FKBP5: variants seen among roughly 807,000 people sequenced by gnomAD.
FKBP5 encodes peptidyl-prolyl cis-trans isomerase FKBP5.
Under a neutral mutation model 50.5 loss-of-function variants are expected in FKBP5, and 23 were observed. The ratio of observed to expected loss-of-function variants is 0.46; its 90% CI spans 0.33 to 0.65. FKBP5 has a LOEUF of 0.65. Ranked by LOEUF, FKBP5 falls within the 30% of genes least tolerant of loss-of-function variation. The probability of loss-of-function intolerance (pLI) is 0.02; values close to 1 mark genes in which losing one functional copy is unlikely to be tolerated. For synonymous variants in FKBP5, 176 were observed against 190.6 expected (o/e 0.92, Z 0.63); for missense variants, 411 against 553.1 (o/e 0.74, Z 2.58).
intron 5 of FKBP5, among the ~76,000 whole-genome samples, chr6:35,597,955 CA>C (rs1258223488): frequency 2.6e-5 from 4 of 152,138 alleles, no homozygotes; most frequent in Non-Finnish European, 5.9e-5. Flanking sequence ...AAGACAACAA[CA>C]TCAATAACTA....
intron 8 of FKBP5, chr6:35,586,395 T>C (rs1420272007): frequency 2.0e-6 from 2 of 985,302 alleles, no homozygotes; most frequent in Non-Finnish European, 2.4e-6. Context: ...ATCAATACTC[T>C]CCTGTCAGTT....
At chr6:35,722,261 C>G (rs1282034040) in intron 1 of FKBP5, among the ~76,000 whole-genome samples, 1 of 152,140 alleles carries the variant, frequency 6.6e-6, no homozygotes, top group Non-Finnish European at 1.5e-5. Context: ...TTTAATGACC[C>G]ATTCACGGTG....
intron 1 of FKBP5, among the ~76,000 whole-genome samples, chr6:35,723,863 C>T (rs4236047): frequency 0.76 from 116,249 of 152,174 alleles, 44,981 homozygotes; most frequent in African/African-American, 0.9. Context: ...TCAGGACATC[C>T]TGGAAAACTT....
chr6:35,672,962 T>C lies in FKBP5; in HGVS notation c.-20+15842A>G, dbSNP rs190226916. 2.8e-3 allele frequency among the ~76,000 whole-genome samples: 418 copies of C among 151,782 alleles called. 3 individuals are homozygous for C. The highest frequency in any genetic ancestry group is 7.2e-3 in the African/African-American group (299 of 41,410). On this transcript the variant is annotated intron_variant, in intron 1 of 10. Coordinates refer to ENST00000357266, the MANE Select transcript of FKBP5 (RefSeq NM_004117.4). ...AAAAAGAAAAAAAGTACTTGTACAT[T>C]ATGCAAATGTTCAAAATGCAGAGAG...
chr6:35,603,984 G>A (rs775730064), intron 5 of FKBP5, among the ~76,000 whole-genome samples: 18 of 151,938 alleles, frequency 1.2e-4, no homozygotes, highest in Non-Finnish European at 2.4e-4. Flanking sequence ...GGGATTACAG[G>A]TGTGAGCCAC....
chr6:35,688,001 G>A (rs746628034), intron 1 of FKBP5, among the ~76,000 whole-genome samples: 6 of 152,258 alleles, frequency 3.9e-5, no homozygotes, highest in Non-Finnish European at 8.8e-5. Context: ...CAATAAGGCG[G>A]AAGACGTTTT....
At chr6:35,590,945 G>A (rs1214479952) in intron 7 of FKBP5, among the ~76,000 whole-genome samples, 185 bp downstream of exon 7, 5 of 150,726 alleles carry the variant, frequency 3.3e-5, no homozygotes, top group African/African-American at 2.4e-5. Flanking sequence ...GAGCTCCTTC[G>A]TTGTATATCA....
chr6:35,632,902 A>G (rs1764202614), intron 3 of FKBP5, among the ~76,000 whole-genome samples: 1 of 152,084 alleles, frequency 6.6e-6, no homozygotes, highest in Non-Finnish European at 1.5e-5. Flanking sequence ...AAAGAAAAAA[A>G]AAAAAAGAAA....
At chr6:35,582,637 AC>A in intron 8 of FKBP5, 2 of 981,816 alleles carry the variant, frequency 2.0e-6, no homozygotes, top group Non-Finnish European at 2.4e-6. Flanking sequence ...TGTTGAAGCC[AC>A]CCAGTGTATG....
chr6:35,693,153 TTCTC>T (rs1394917432), upstream of FKBP5, among the ~76,000 whole-genome samples: 1 of 139,272 alleles, frequency 7.2e-6, no homozygotes, highest in Admixed American at 7.7e-5. Flanking sequence ...TCTTTTTCTT[TTCTC>T]TCTCTCTTTT....
intron 8 of FKBP5, chr6:35,582,286 G>A (rs993648828): frequency 2.0e-6 from 2 of 985,224 alleles, no homozygotes; most frequent in Non-Finnish European, 2.4e-6. Context: ...AATTCTTGAG[G>A]AAATTAGATT....
intron 7 of FKBP5, among the ~76,000 whole-genome samples, chr6:35,589,327 C>T (rs557267906): frequency 2.5e-4 from 38 of 151,668 alleles, no homozygotes; most frequent in Admixed American, 1.8e-3. Flanking sequence ...TGGGTTTTCA[C>T]CATGTTGGCC....
At chr6:35,709,025 G>T (rs538106005) in intron 2 of FKBP5, among the ~76,000 whole-genome samples, 2 of 152,274 alleles carry the variant, frequency 1.3e-5, no homozygotes, top group South Asian at 4.1e-4. Flanking sequence ...AATCTTAACT[G>T]ATAGATATTA....
intron 1 of FKBP5, among the ~76,000 whole-genome samples, chr6:35,679,636 G>A (rs1765614590): frequency 1.3e-5 from 2 of 152,182 alleles, no homozygotes; most frequent in Admixed American, 1.3e-4. Context: ...CTTTGATAAA[G>A]CTGGATACAT....
At chr6:35,698,468 G>A (rs1766121545) in intron 2 of FKBP5, among the ~76,000 whole-genome samples, 1 of 151,566 alleles carries the variant, frequency 6.6e-6, no homozygotes, top group East Asian at 1.9e-4. Context: ...CCAATATGGT[G>A]AAATCCTGTC....
intron 2 of FKBP5, among the ~76,000 whole-genome samples, chr6:35,707,884 C>A (rs6900592): frequency 0.76 from 115,891 of 152,174 alleles, 44,736 homozygotes; most frequent in African/African-American, 0.9. Flanking sequence ...ATATGATCTC[C>A]TGACTTCTGA....
At chr6:35,665,064 C>G (rs1338878696) in intron 1 of FKBP5, among the ~76,000 whole-genome samples, 1 of 152,100 alleles carries the variant, frequency 6.6e-6, no homozygotes, top group Non-Finnish European at 1.5e-5. Flanking sequence ...TCTTCCTCTC[C>G]TTTGTGAATT....
chr6:35,574,699 C>A lies in FKBP5; in HGVS notation c.*1136G>T, dbSNP rs3800373. On this transcript the variant is annotated 3_prime_UTR_variant, in exon 11 of 11. Coordinates refer to ENST00000357266, the MANE Select transcript of FKBP5 (RefSeq NM_004117.4). The stretch of plus-strand genomic sequence containing the variant: ...GAAGAGCAACTATTTATTTGTCAAC[C>A]CTACAGATTTTGTTTTTAAAAATTA... 103,629 of 152,464 alleles carry A rather than the reference C, an allele frequency of 0.68. 35,585 individuals are homozygous for A. Among genetic ancestry groups the A allele is most frequent in the East Asian group, 0.74 (3,831 of 5,162 alleles). 9.4% of individuals were successfully genotyped at this position (152,464 alleles called of 1,614,324 possible). A position where few individuals can be genotyped will look rare whatever the true frequency, so the allele number is the denominator to read the frequency against.
At chr6:35,623,656 A>C (rs990054669) in intron 3 of FKBP5, among the ~76,000 whole-genome samples, 5 of 151,360 alleles carry the variant, frequency 3.3e-5, no homozygotes, top group Admixed American at 3.3e-4. Context: ...TGCAGCCTCA[A>C]CCTCCCAGGC....
Sources: allele counts gnomAD v4.1 joint callset (sites outside exome capture counted in the v4.1 genomes callset), GRCh38; gene constraint gnomAD v4.1.1; transcripts MANE v1.5; gene names NCBI Gene and HGNC (gene_info 2026-07-23, HGNC 2026-07-21).